The following YWHAE variants were observed in gnomAD, a reference collection of about 807,000 sequenced individuals.
The protein encoded by YWHAE is 14-3-3 protein epsilon.
Under a neutral mutation model 30.1 loss-of-function variants are expected in YWHAE, and 4 were observed. The observed-to-expected ratio is 0.13, with a 90% CI of 0.07 to 0.30. The LOEUF is 0.30. Ranked by LOEUF, YWHAE falls within the 10% of genes least tolerant of loss-of-function variation. The pLI, the probability that YWHAE is intolerant of heterozygous loss-of-function variation, is 1.00. For missense variants in YWHAE, 121 were observed against 315.9 expected (o/e 0.38, Z 4.68); for synonymous variants, 118 against 111.8 (o/e 1.06, Z -0.35).
At chr17:1,366,941 C>CAA (rs1047736343) in intron 1 of YWHAE, among the ~76,000 whole-genome samples, 3 of 147,936 alleles carry the variant, frequency 2.0e-5, no homozygotes, top group Admixed American at 1.3e-4. Flanking sequence ...GACTCCGTTT[C>CAA]AAAAAAAAAC....
In YWHAE at chr17:1,367,912, T is replaced by A. The variant is rs1451546591; in HGVS notation, c.65-2854A>T. Among the ~76,000 whole-genome samples, 5 of 152,280 alleles carry A rather than the reference T, an allele frequency of 3.3e-5. No individual in the cohort carries two copies. In the East Asian group the frequency reaches 9.6e-4, roughly 29 times the overall value. On this transcript the variant is annotated intron_variant, in intron 1 of 5. Coordinates refer to ENST00000264335, the MANE Select transcript of YWHAE (RefSeq NM_006761.5). ...TACATGTAAAAGTGGCACGTTTAAC[T>A]GTACACCTCAAGCTGATTTTTTAAA... is the stretch of plus-strand genomic sequence containing the variant.
In YWHAE at chr17:1,400,148, G is replaced by C. The variant is rs746108238; in HGVS notation, c.-38C>G. On this transcript the variant is annotated 5_prime_UTR_variant, in exon 1 of 6. Coordinates refer to ENST00000264335, the MANE Select transcript of YWHAE (RefSeq NM_006761.5). ...TCCGGCAGGGTCTGCGCGACGGATG[G>C]AAGCGGATAGTGTCTCCGACTCTCT... 29 of 1,612,020 alleles carry C rather than the reference G, an allele frequency of 1.8e-5. No homozygotes were observed. The highest frequency in any genetic ancestry group is 2.5e-5 in the Non-Finnish European group (29 of 1,178,224).
chr17:1,372,091 G>GC (rs2073051679), intron 1 of YWHAE, among the ~76,000 whole-genome samples: 1 of 152,016 alleles, frequency 6.6e-6, no homozygotes, highest in South Asian at 2.1e-4. Flanking sequence ...GTCCGCCTCG[G>GC]CCCCCCAAAG....
intron 1 of YWHAE, among the ~76,000 whole-genome samples, chr17:1,383,618 C>A (rs2073251306): frequency 6.6e-6 from 1 of 151,728 alleles, no homozygotes; most frequent in South Asian, 2.1e-4. Flanking sequence ...GAACTCCTGA[C>A]CTCAGGTGAT....
At chr17:1,354,133 A>C in intron 5 of YWHAE, 78 bp downstream of exon 5, 1 of 1,526,510 alleles carries the variant, frequency 6.6e-7, no homozygotes, top group Non-Finnish European at 8.8e-7. Flanking sequence ...TATAACGACA[A>C]GCCAAGGAAT....
chr17:1,353,995 T>TGAAACA, intron 5 of YWHAE, among the ~76,000 whole-genome samples: 1 of 152,170 alleles, frequency 6.6e-6, no homozygotes, highest in Non-Finnish European at 1.5e-5. Flanking sequence ...CCTCAACCTT[T>TGAAACA]GAAACAGTGT....
chr17:1,398,802 G>C (rs1007124274), intron 1 of YWHAE: 4 of 152,142 alleles, frequency 2.6e-5, no homozygotes, highest in African/African-American at 9.7e-5. Flanking sequence ...ATGGACATTC[G>C]ATGAAGTTCT....
intron 1 of YWHAE, among the ~76,000 whole-genome samples, chr17:1,382,368 G>A (rs1412403713): frequency 2.6e-5 from 3 of 115,606 alleles, no homozygotes; most frequent in African/African-American, 1.0e-4. Flanking sequence ...TTTTGAGATG[G>A]AGTCTCACTC....
Position 1,354,320 on chromosome 17 carries a change from T to C in YWHAE, c.606A>G (p.Ala202=). 1 of 1,614,026 alleles carries C rather than the reference T, an allele frequency of 6.2e-7. No homozygotes were observed. Among genetic ancestry groups the C allele is most frequent in the Non-Finnish European group, 8.5e-7 (1 of 1,179,976 alleles). ...CRLAKAAFDD[A]IAELDTLSEE... is the part of the protein sequence containing the mutation. ...CACTCAGCGTATCCAGTTCTGCAAT[T>C]GCATCATCAAAAGCTGCTTTTGCCA... The change falls in exon 5 of 6, where the codon GCA becomes GCG. Residue 202 remains alanine (A), a synonymous_variant. Transcript: ENST00000264335.
intron 1 of YWHAE, among the ~76,000 whole-genome samples, chr17:1,387,504 G>C (rs1007975092): frequency 6.6e-6 from 1 of 152,244 alleles, no homozygotes; most frequent in East Asian, 1.9e-4. Flanking sequence ...GGAAGAAAAT[G>C]ACCACAAATA....
chr17:1,398,555 ATAGGTAT>A (rs535760590), intron 1 of YWHAE, among the ~76,000 whole-genome samples: 33 of 152,276 alleles, frequency 2.2e-4, no homozygotes, highest in Non-Finnish European at 4.0e-4. Context: ...ATTTTGAAAT[ATAGGTAT>A]TTTAATTAGG....
intron 1 of YWHAE, among the ~76,000 whole-genome samples, chr17:1,369,501 T>C (rs2072997513): frequency 6.6e-6 from 1 of 152,088 alleles, no homozygotes; most frequent in Non-Finnish European, 1.5e-5. Flanking sequence ...CTCCAAAAAA[T>C]AAATAAACTG....
At chr17:1,369,663 G>A (rs1313396291) in intron 1 of YWHAE, 1 of 151,854 alleles carries the variant, frequency 6.6e-6, no homozygotes, top group Non-Finnish European at 1.5e-5. Flanking sequence ...TCTATTTTCC[G>A]CCTCTACACA....
At chr17:1,360,268 A>C (rs1047449065) in intron 4 of YWHAE, among the ~76,000 whole-genome samples, 2 of 152,160 alleles carry the variant, frequency 1.3e-5, no homozygotes, top group Admixed American at 1.3e-4. Flanking sequence ...AGGCTATCAC[A>C]ACTTTTTAAA....
chr17:1,393,488 T>C (rs546134361), intron 1 of YWHAE, among the ~76,000 whole-genome samples: 2 of 152,296 alleles, frequency 1.3e-5, no homozygotes, highest in African/African-American at 2.4e-5. Flanking sequence ...TGGAGTGCAA[T>C]GGTGCGATGT....
intron 5 of YWHAE, among the ~76,000 whole-genome samples, chr17:1,346,266 G>C (rs1287261942): frequency 6.6e-6 from 1 of 152,140 alleles, no homozygotes; most frequent in Non-Finnish European, 1.5e-5. Flanking sequence ...CATTAAACAA[G>C]TCAGCCAAAA....
At chr17:1,383,493 T>A (rs2073248971) in intron 1 of YWHAE, among the ~76,000 whole-genome samples, 1 of 148,942 alleles carries the variant, frequency 6.7e-6, no homozygotes, top group South Asian at 2.1e-4. Context: ...GTTCAAGCAA[T>A]TCTCCTGTCT....
At chr17:1,358,147 G>C (rs758452507) in intron 4 of YWHAE, among the ~76,000 whole-genome samples, 133 of 152,102 alleles carry the variant, frequency 8.7e-4, no homozygotes, top group Non-Finnish European at 1.6e-3. Context: ...TCAGCATTTT[G>C]GGAGGCTAAG....
chr17:1,391,798 C>T (rs540091204), intron 1 of YWHAE, among the ~76,000 whole-genome samples: 49 of 151,998 alleles, frequency 3.2e-4, no homozygotes, highest in African/African-American at 8.7e-4. Context: ...AGTGGGATCC[C>T]GTCTCCACAA....
Sources: allele counts gnomAD v4.1 joint callset (sites outside exome capture counted in the v4.1 genomes callset), GRCh38; gene constraint gnomAD v4.1.1; transcripts MANE v1.5; gene names NCBI Gene and HGNC (gene_info 2026-07-23, HGNC 2026-07-21).